RIMBP2: variants seen among roughly 807,000 people sequenced by gnomAD.
The protein encoded by RIMBP2 is RIMS-binding protein 2.
A neutral mutation model predicts 118.6 loss-of-function variants in RIMBP2; 48 were observed. The observed-to-expected ratio is 0.40, with a 90% CI of 0.32 to 0.51. The LOEUF (loss-of-function observed/expected upper bound fraction) is 0.51, where lower values mean the gene tolerates loss of function less well. Among genes scored for constraint, RIMBP2 ranks in the 20% least tolerant of loss-of-function variants. The probability of loss-of-function intolerance (pLI) is 0.41; values close to 1 mark genes in which losing one functional copy is unlikely to be tolerated. For synonymous variants in RIMBP2, 762 were observed against 742.9 expected, an observed-to-expected ratio of 1.03 and a Z score of -0.42; for missense variants, 1,551 against 1,768.3, an observed-to-expected ratio of 0.88 and a Z score of 2.20.
intron 6 of RIMBP2, among the ~76,000 whole-genome samples, chr12:130,464,281 T>C (rs2080260746): frequency 1.3e-5 from 2 of 152,342 alleles, no homozygotes; most frequent in South Asian, 4.1e-4. Flanking sequence ...TCTCTTGGGG[T>C]CTGGATCGAG....
intron 4 of RIMBP2, among the ~76,000 whole-genome samples, chr12:130,483,031 A>C (rs2082150939): frequency 1.8e-5 from 1 of 56,386 alleles, no homozygotes; most frequent in Admixed American, 1.9e-4. Flanking sequence ...GGGAGGGGGC[A>C]GACCTCATCC....
intron 4 of RIMBP2, among the ~76,000 whole-genome samples, chr12:130,492,900 C>A (rs1279668316): frequency 6.6e-6 from 1 of 152,160 alleles, no homozygotes; most frequent in African/African-American, 2.4e-5. Flanking sequence ...GAGGCCGAGG[C>A]GGGTGGATTG....
Position 130,630,957 on chromosome 12 carries a change from A to G in RIMBP2, c.-351-2501T>C, listed in dbSNP as rs866881645. On this transcript the variant is annotated intron_variant, in intron 1 of 22. Transcript: ENST00000690449. ...TGTGCTGCAGCAAAACAAGTGGGGA[A>G]AAAAAAAAGATAAAAGGGAAAGCCA... Among the ~76,000 whole-genome samples the G allele has an allele frequency of 1.9e-3, 287 of 151,448 alleles. 1 individual carries two copies. The highest frequency in any genetic ancestry group is 6.4e-3 in the African/African-American group (265 of 41,296).
chr12:130,650,119 G>A (rs1377563916), intron 1 of RIMBP2, among the ~76,000 whole-genome samples: 2 of 152,204 alleles, frequency 1.3e-5, no homozygotes, highest in Admixed American at 6.5e-5. Flanking sequence ...AACCAAGGAG[G>A]CAGTCTACAC....
chr12:130,636,860 C>T (rs539628811), intron 1 of RIMBP2, among the ~76,000 whole-genome samples: 80 of 152,214 alleles, frequency 5.3e-4, no homozygotes, highest in Non-Finnish European at 1.0e-3. Flanking sequence ...TGTTTCAACA[C>T]ATTCCCTTTT....
intron 1 of RIMBP2, among the ~76,000 whole-genome samples, chr12:130,706,189 T>C (rs2066110540): frequency 6.6e-6 from 1 of 152,236 alleles, no homozygotes; most frequent in South Asian, 2.1e-4. Flanking sequence ...TGAAGTCATT[T>C]AATCATCAAA....
intron 1 of RIMBP2, among the ~76,000 whole-genome samples, chr12:130,649,409 G>T (rs2063129234): frequency 6.6e-6 from 1 of 152,214 alleles, no homozygotes; most frequent in Admixed American, 6.5e-5. Flanking sequence ...TCCAGCCAGT[G>T]GGGTACTGGG....
intron 2 of RIMBP2, among the ~76,000 whole-genome samples, chr12:130,611,625 C>T (rs73458789): frequency 0.018 from 2,707 of 152,332 alleles, 86 homozygotes; most frequent in African/African-American, 0.062. Context: ...CCTGCACAGC[C>T]TCGATTTAGG....
chr12:130,466,925 T>A (rs2080531710), intron 6 of RIMBP2, among the ~76,000 whole-genome samples: 1 of 152,230 alleles, frequency 6.6e-6, no homozygotes, highest in Non-Finnish European at 1.5e-5. Flanking sequence ...CCCTCTCACA[T>A]GGAAATTGTG....
At position 130,435,943 on chromosome 12, in the gene RIMBP2, G is replaced by A. The variant is rs374343383; in HGVS notation, c.2106+899C>T. 1.8e-3 allele frequency among the ~76,000 whole-genome samples: 276 copies of A among 152,238 alleles called. 2 individuals carry two copies. Among genetic ancestry groups the A allele is most frequent in the African/African-American group, 6.1e-3 (255 of 41,544 alleles). On this transcript the variant is annotated intron_variant, in intron 13 of 22. Coordinates refer to ENST00000690449, the MANE Select transcript of RIMBP2 (RefSeq NM_001393629.1). ...TGCCCCGCCTCGGTTTCCCTGGCCC[G>A]GCCCCCAGCCCAGAGGAACACTCAC...
chr12:130,458,788 C>T (rs2137562391), intron 6 of RIMBP2, among the ~76,000 whole-genome samples: 1 of 152,234 alleles, frequency 6.6e-6, no homozygotes, highest in South Asian at 2.1e-4. Flanking sequence ...CTCACGCCTG[C>T]AATCCCAGCA....
At chr12:130,427,926 G>A in intron 15 of RIMBP2, 1 of 368,518 alleles carries the variant, frequency 2.7e-6, no homozygotes, top group East Asian at 4.4e-5. Context: ...GCACAGAGCT[G>A]GGTGCCCCCT....
chr12:130,554,200 A>G (rs2056115615), intron 2 of RIMBP2, among the ~76,000 whole-genome samples: 1 of 152,210 alleles, frequency 6.6e-6, no homozygotes, highest in Non-Finnish European at 1.5e-5. Context: ...TCCCATCATC[A>G]CTAAGTGTGA....
chr12:130,479,866 T>G (rs1483184232), intron 4 of RIMBP2, among the ~76,000 whole-genome samples: 1 of 151,654 alleles, frequency 6.6e-6, no homozygotes, highest in East Asian at 2.0e-4. Context: ...TAATCCCCAG[T>G]GCTCAGGGTT....
In RIMBP2 at chr12:130,607,681, A is replaced by G. The variant is rs552864511; in HGVS notation, c.-217+20641T>C. 3.3e-5 allele frequency among the ~76,000 whole-genome samples: 5 copies of G among 152,148 alleles called. No individual in the cohort carries two copies. In the East Asian group the frequency reaches 9.7e-4, roughly 29 times the overall value. On this transcript the variant is annotated intron_variant, in intron 2 of 22. Transcript: ENST00000690449. ...CAGACACAAATCCGACTCCCCAGCA[A>G]GGAGAAGCCTGCATTGGTCAGAAAC...
chr12:130,686,531 T>C, intron 1 of RIMBP2, among the ~76,000 whole-genome samples: 1 of 152,222 alleles, frequency 6.6e-6, no homozygotes, highest in East Asian at 1.9e-4. Context: ...AAGTAGAGGC[T>C]GATAAATTTA....
At chr12:130,686,445 C>G (rs1307656837) in intron 1 of RIMBP2, among the ~76,000 whole-genome samples, 1 of 152,226 alleles carries the variant, frequency 6.6e-6, no homozygotes, top group Non-Finnish European at 1.5e-5. Flanking sequence ...ACCTCGTCCC[C>G]TTTGTCCCAC....
intron 19 of RIMBP2, 146 bp downstream of exon 19, chr12:130,412,473 G>T: frequency 2.5e-6 from 2 of 786,706 alleles, no homozygotes; most frequent in Non-Finnish European, 2.0e-6. Flanking sequence ...TTTTGCCCAA[G>T]AAAAATCACT....
intron 2 of RIMBP2, among the ~76,000 whole-genome samples, chr12:130,555,181 T>C (rs2056227416): frequency 6.6e-6 from 1 of 152,178 alleles, no homozygotes; most frequent in Non-Finnish European, 1.5e-5. Flanking sequence ...ACTACTATCC[T>C]GTATCAGCTC....
Sources: gnomAD v4.1 joint callset for allele counts (sites outside exome capture counted in the v4.1 genomes callset) on GRCh38, gnomAD v4.1.1 for gene constraint, MANE v1.5 for transcripts, NCBI Gene and HGNC (gene_info 2026-07-23, HGNC 2026-07-21) for gene names.